The following BCAR1 variants were observed in gnomAD, a reference collection of about 807,000 sequenced individuals.
BCAR1 encodes the protein breast cancer anti-estrogen resistance protein 1.
In BCAR1, 30 loss-of-function variants were observed where a neutral mutation model predicts 67.6. The observed-to-expected ratio is 0.44, with a 90% CI of 0.33 to 0.60. BCAR1 has a LOEUF of 0.60. Ranked by LOEUF, BCAR1 falls within the 20% of genes least tolerant of loss-of-function variation. The pLI is 0.02. For missense variants in BCAR1, 1,313 were observed against 1,222.3 expected (o/e 1.07, Z -1.11); for synonymous variants, 626 against 556.7 (o/e 1.12, Z -1.75).
intron 4 of BCAR1, 180 bp downstream of exon 4, chr16:75,236,702 C>T (rs1404851621): frequency 8.0e-7 from 1 of 1,246,436 alleles, no homozygotes; most frequent in African/African-American, 1.5e-5. Context: ...GACAAAGAAC[C>T]TGAGGCTCAG....
At position 75,235,797 on chromosome 16, in the gene BCAR1, C is replaced by T; in HGVS notation, c.1102G>A (p.Ala368Thr). 6.3e-7 allele frequency: 1 copy of T among 1,592,468 alleles called. No homozygotes were observed. Among genetic ancestry groups the T allele is most frequent in the Non-Finnish European group, 8.6e-7 (1 of 1,169,104 alleles). Reference protein sequence around the residue: ...AEDVYDVPPPAPDLYDVPPGL... With the variant: ...AEDVYDVPPPTPDLYDVPPGL... ...GGGGGCACGTCGTAGAGGTCAGGAG[C>T]CGGGGGCGGCACGTCATACACGTCC... Residue 368 changes from alanine to threonine, a missense_variant, in exon 5 of 7, where the codon GCT (alanine) becomes ACT (threonine). By Grantham distance (58) the Ala-to-Thr change is moderately conservative. Coordinates refer to ENST00000162330, the MANE Select transcript of BCAR1 (RefSeq NM_014567.5).
intron 1 of BCAR1, chr16:75,243,423 G>T: frequency 1.7e-6 from 1 of 598,018 alleles, no homozygotes. Flanking sequence ...CCAACACAAG[G>T]AGAGCGGCAG....
At chr16:75,230,244 T>C (rs536472036) in intron 6 of BCAR1, among the ~76,000 whole-genome samples, 1 of 152,060 alleles carries the variant, frequency 6.6e-6, no homozygotes, top group Non-Finnish European at 1.5e-5. Context: ...TCTCAAAAGG[T>C]CAGACTCCGT....
In BCAR1 at chr16:75,229,702, C is replaced by T. The variant is rs1359973242; in HGVS notation, c.2422G>A (p.Val808Met). The change falls in exon 7 of 7, where the codon GTG becomes ATG. Residue 808 changes from valine to methionine, a missense_variant. Coordinates refer to ENST00000162330, the MANE Select transcript of BCAR1 (RefSeq NM_014567.5). ...CTGTAGTGGGTCACCTGGCTGCGCA[C>T]GTCAGCAGCCTTGGCCTGCCGTGAC... ...TLSRQAKAAD[V>M]RSQVTHYSNL... 3.1e-6 allele frequency: 5 copies of T among 1,612,902 alleles called. No homozygotes were observed. The highest frequency in any genetic ancestry group is 4.2e-6 in the Non-Finnish European group (5 of 1,179,902).
In BCAR1 at chr16:75,265,789, C is replaced by T. The variant is rs1296704518; in HGVS notation, c.66+2126G>A. The T allele has an allele frequency of 2.5e-6, 3 of 1,196,508 alleles. No individual in the cohort carries two copies. In the African/African-American group the frequency reaches 4.8e-5, roughly 19 times the overall value. The allele number at this position is 1,196,508 out of a possible 1,614,324, so 74.1% of individuals were successfully genotyped here. A position where few individuals can be genotyped will look rare whatever the true frequency, so the allele number is the denominator to read the frequency against. On this transcript the variant is annotated intron_variant, in intron 1 of 6. Transcript: ENST00000393422. ...GGCGAGGTCGCAGCCGGGCGGGGGA[C>T]AGCCGGCCCGGGGTCCCGGGCGGCG...
At chr16:75,245,022 C>G (rs7197999) in intron 1 of BCAR1, among the ~76,000 whole-genome samples, 1 of 151,964 alleles carries the variant, frequency 6.6e-6, no homozygotes, top group Non-Finnish European at 1.5e-5. Context: ...AAAAAGAAAA[C>G]GGTGGACTAT....
At position 75,229,674 on chromosome 16, in the gene BCAR1, T is replaced by C. The variant is rs946710509; in HGVS notation, c.2450A>G (p.Asn817Ser). ...GCCGCGCAGGAGGTCGCACAGCAGG[T>C]TGCTGTAGTGGGTCACCTGGCTGCG... ...DVRSQVTHYS[N>S]LLCDLLRGIV... The change falls in exon 7 of 7, where the codon AAC becomes AGC. Residue 817 changes from asparagine to serine, a missense_variant. Around this residue, in one of 2 missense-constraint regions of BCAR1, gnomAD observed 1,272 missense variants for 1,137.5 expected, o/e 1.12. Transcript: ENST00000162330. 3.7e-6 allele frequency: 6 copies of C among 1,612,896 alleles called. No homozygotes were observed. The highest frequency in any genetic ancestry group is 5.1e-6 in the Non-Finnish European group (6 of 1,179,948).
intron 1 of BCAR1, among the ~76,000 whole-genome samples, chr16:75,260,873 C>T (rs2077893225): frequency 6.6e-6 from 1 of 152,222 alleles, no homozygotes; most frequent in Non-Finnish European, 1.5e-5. Flanking sequence ...TGAGCCTCGG[C>T]TTTCTGGGAT....
chr16:75,256,899 G>T (rs769864623), intron 1 of BCAR1, among the ~76,000 whole-genome samples: 1 of 152,160 alleles, frequency 6.6e-6, no homozygotes, highest in Non-Finnish European at 1.5e-5. Context: ...CTGGACCAGC[G>T]GCACCCCTGT....
upstream of BCAR1, chr16:75,251,645 C>CA: frequency 1.0e-6 from 1 of 1,001,018 alleles, no homozygotes; most frequent in Non-Finnish European, 1.2e-6. Context: ...CGCCTGCCGC[C>CA]ACGGCCCAGC....
chr16:75,232,317 T>C (rs1327668494), intron 6 of BCAR1, among the ~76,000 whole-genome samples: 1 of 152,038 alleles, frequency 6.6e-6, no homozygotes, highest in African/African-American at 2.4e-5. Context: ...TGTGCCACTA[T>C]GCTGGCCAAT....
intron 2 of BCAR1, chr16:75,238,731 G>A (rs1320845203): frequency 1.0e-6 from 1 of 985,454 alleles, no homozygotes; most frequent in Admixed American, 6.1e-5. Flanking sequence ...TGCCTCTCCA[G>A]ACTCATCTCC....
At chr16:75,249,167 G>A (rs60879082) in intron 1 of BCAR1, 22,030 of 152,296 alleles carry the variant, frequency 0.14, 1,896 homozygotes, top group East Asian at 0.33. Context: ...TCACTCAAGC[G>A]GACCTGCTGG....
intron 2 of BCAR1, among the ~76,000 whole-genome samples, chr16:75,240,254 T>C (rs2077292356): frequency 6.6e-6 from 1 of 152,108 alleles, no homozygotes; most frequent in African/African-American, 2.4e-5. Context: ...AGCCAACCAC[T>C]ACCCTGGAAC....
In BCAR1 at chr16:75,248,448, A is replaced by G. The variant is rs139050332; in HGVS notation, c.12+3023T>C. 169 of 914,500 alleles carry G rather than the reference A, an allele frequency of 1.8e-4. No individual in the cohort carries two copies. In the African/African-American group the frequency reaches 2.8e-3, roughly 15 times the overall value. 56.6% of individuals were successfully genotyped at this position (914,500 alleles called of 1,614,324 possible). A position where few individuals can be genotyped will look rare whatever the true frequency, so the allele number is the denominator to read the frequency against. On this transcript the variant is annotated intron_variant, in intron 1 of 6. Coordinates refer to ENST00000162330, the MANE Select transcript of BCAR1 (RefSeq NM_014567.5). The stretch of plus-strand genomic sequence containing the variant: ...TGCAGGCCCAATAAGCATGCGCCCA[A>G]CTGGCCATCCGCACCCGGGACCCAC...
At chr16:75,231,809 C>G (rs1477298686) in intron 6 of BCAR1, among the ~76,000 whole-genome samples, 1 of 152,244 alleles carries the variant, frequency 6.6e-6, no homozygotes, top group Non-Finnish European at 1.5e-5. Context: ...TACACGACCA[C>G]TTCTGAAAAC....
At chr16:75,266,882 A>G (rs2078017305) in intron 1 of BCAR1, 1 of 985,668 alleles carries the variant, frequency 1.0e-6, no homozygotes, top group African/African-American at 1.7e-5. Context: ...GGTTTGCCGC[A>G]GCCCGGGCTC....
chr16:75,229,994 C>T lies in BCAR1; in HGVS notation c.2130G>A (p.Glu710=), dbSNP rs766772458. 7 of 1,554,634 alleles carry T rather than the reference C, an allele frequency of 4.5e-6. No homozygotes were observed. The South Asian group carries it at 6.1e-5, about 14-fold the overall frequency. The part of the protein sequence containing the change: ...QLKQFERLEQ[E]VSRPIDHDLA... ...GGTCGTGGTCTATGGGCCGTGACACCTCCTGTTCCAGTCGTTCAAACTGCT... is the reference window on the plus strand; with the variant it reads ...GGTCGTGGTCTATGGGCCGTGACACTTCCTGTTCCAGTCGTTCAAACTGCT... Residue 710 remains glutamate (E), a synonymous_variant, in exon 7 of 7, where the codon GAG becomes GAA. Transcript: ENST00000162330.
upstream of BCAR1, among the ~76,000 whole-genome samples, chr16:75,253,747 G>T (rs2077724028): frequency 6.6e-6 from 1 of 151,778 alleles, no homozygotes; most frequent in Non-Finnish European, 1.5e-5. Flanking sequence ...TAGCTGGGGG[G>T]TGGGGGAGGA....
Sources: allele counts gnomAD v4.1 joint callset (sites outside exome capture counted in the v4.1 genomes callset), GRCh38; gene constraint gnomAD v4.1.1; regional missense constraint gnomAD v4.1.1; transcripts MANE v1.5; gene names NCBI Gene and HGNC (gene_info 2026-07-23, HGNC 2026-07-21).